Variants in FAM98A observed in about 807,000 individuals in gnomAD.
FAM98A encodes the protein protein FAM98A.
FAM98A carries 25 observed loss-of-function variants against 62.9 expected under a neutral mutation model. The ratio of observed to expected loss-of-function variants is 0.40; its 90% CI spans 0.29 to 0.56. The LOEUF is 0.56. FAM98A is among the 20% of genes least tolerant of loss of function. The pLI, the probability that FAM98A is intolerant of heterozygous loss-of-function variation, is 0.51. For synonymous variants in FAM98A, 252 were observed against 228.6 expected (o/e 1.10, Z -0.92); for missense variants, 653 against 640.7 (o/e 1.02, Z -0.21).
intron 1 of FAM98A, among the ~76,000 whole-genome samples, chr2:33,596,596 T>C (rs904722367): frequency 6.6e-6 from 1 of 152,098 alleles, no homozygotes; most frequent in Non-Finnish European, 1.5e-5. Flanking sequence ...ATGCTTAAGA[T>C]AATATAATGT....
rs907741992 is a variant in FAM98A at position 33,584,052 on chromosome 2, A to G, written c.*724T>C. 3 of 152,676 alleles carry G rather than the reference A, an allele frequency of 2.0e-5. No homozygotes were observed. The highest frequency in any genetic ancestry group is 7.2e-5 in the African/African-American group (3 of 41,466). The allele number at this position is 152,676 out of a possible 1,614,324, so 9.5% of individuals were successfully genotyped here. ...TGAAGGAGGAATTTGTTTTGGATGG[A>G]TGCAGGTCAGTTTGAATTGCTATAC... On this transcript the variant is annotated 3_prime_UTR_variant, in exon 8 of 8. Coordinates refer to ENST00000238823, the MANE Select transcript of FAM98A (RefSeq NM_015475.5).
Position 33,584,511 on chromosome 2 carries a change from T to C in FAM98A, c.*265A>G, listed in dbSNP as rs1264109747. The C allele has an allele frequency of 1.6e-5, 7 of 430,398 alleles. No homozygotes were observed. Among genetic ancestry groups the C allele is most frequent in the Non-Finnish European group, 2.9e-5 (7 of 243,356 alleles). The allele number at this position is 430,398 out of a possible 1,614,324, so 26.7% of individuals were successfully genotyped here. On this transcript the variant is annotated 3_prime_UTR_variant, in exon 8 of 8. Transcript: ENST00000238823. ...TGTTCTGACTGTGGAATTAGTCTAC[T>C]GGGCAATTAAAGGCAATTTTAACCA...
intron 6 of FAM98A, among the ~76,000 whole-genome samples, 191 bp from the exon 7 acceptor site, chr2:33,585,888 C>T (rs1361721273): frequency 6.6e-6 from 1 of 152,178 alleles, no homozygotes; most frequent in Non-Finnish European, 1.5e-5. Flanking sequence ...AGCTGCCAGA[C>T]TTGTTGACAC....
At chr2:33,586,491 A>G (rs914340827) in intron 6 of FAM98A, 71 bp downstream of exon 6, 15 of 1,001,240 alleles carry the variant, frequency 1.5e-5, no homozygotes, top group Non-Finnish European at 2.0e-5. Context: ...GTTGCCAAGT[A>G]GCTAAATTGT....
chr2:33,594,638 CACATATATATAT>C (rs1677756507), intron 2 of FAM98A, among the ~76,000 whole-genome samples: 2 of 118,496 alleles, frequency 1.7e-5, no homozygotes, highest in African/African-American at 3.8e-5. Flanking sequence ...CATATATATA[CACATATATATAT>C]ACACACATAT....
chr2:33,594,576 TACAC>T (rs71409635), intron 2 of FAM98A, among the ~76,000 whole-genome samples: 2 of 57,234 alleles, frequency 3.5e-5, no homozygotes, highest in African/African-American at 2.4e-4. Flanking sequence ...TATATATATA[TACAC>T]ACACACACAC....
intron 4 of FAM98A, among the ~76,000 whole-genome samples, chr2:33,587,836 T>A (rs1431107011): frequency 6.6e-6 from 1 of 151,540 alleles, no homozygotes; most frequent in South Asian, 2.1e-4. Flanking sequence ...TAAAAATAAT[T>A]CTAATTTCTT....
At chr2:33,593,060 G>C (rs78610274) in intron 2 of FAM98A, among the ~76,000 whole-genome samples, 2,138 of 152,210 alleles carry the variant, frequency 0.014, 54 homozygotes, top group African/African-American at 0.048. Flanking sequence ...CTTCACCCTC[G>C]TACTTGCTGA....
At chr2:33,592,977 A>G (rs1354214978) in intron 2 of FAM98A, among the ~76,000 whole-genome samples, 1 of 152,088 alleles carries the variant, frequency 6.6e-6, no homozygotes, top group South Asian at 2.1e-4. Context: ...CTTCCCCTCT[A>G]GCAAATCCCA....
intron 3 of FAM98A, chr2:33,591,829 G>A (rs930121993): frequency 3.8e-5 from 12 of 314,384 alleles, no homozygotes; most frequent in African/African-American, 2.3e-4. Context: ...ATCACATTAG[G>A]AGAAGCACAA....
At position 33,588,751 on chromosome 2, in the gene FAM98A, G is replaced by A. The variant is rs757429311; in HGVS notation, c.338-232C>T. ...TTTAAATGTTAATTTTAAAATAAGCGATTCTCTTTGAAACCGAAGGATCGA... is the reference window on the plus strand; with the variant it reads ...TTTAAATGTTAATTTTAAAATAAGCAATTCTCTTTGAAACCGAAGGATCGA... On this transcript the variant is annotated intron_variant, in intron 3 of 7. Transcript: ENST00000238823. 1.7e-5 allele frequency: 5 copies of A among 297,232 alleles called. No homozygotes were observed. In the Admixed American group the frequency reaches 2.0e-4, roughly 12 times the overall value. 18.4% of individuals were successfully genotyped at this position (297,232 alleles called of 1,614,324 possible). A position where few individuals can be genotyped will look rare whatever the true frequency, so the allele number is the denominator to read the frequency against.
intron 1 of FAM98A, among the ~76,000 whole-genome samples, chr2:33,597,508 T>C (rs920402222): frequency 6.6e-6 from 1 of 152,012 alleles, no homozygotes; most frequent in Non-Finnish European, 1.5e-5. Flanking sequence ...TTACACTCTA[T>C]GTCAAGTAGT....
rs1233122644 is a variant in FAM98A at position 33,585,570 on chromosome 2, C to G, written c.848G>C (p.Ser283Thr). 6.2e-7 allele frequency: 1 copy of G among 1,614,074 alleles called. No individual in the cohort carries two copies. Among genetic ancestry groups the G allele is most frequent in the African/African-American group, 1.3e-5 (1 of 74,932 alleles). ...GGCAGTCTTTTCTCTTATAGAGCCGCTGCTTGTCCTTAAAATCTTTGACAA... is the reference window on the plus strand; with the variant it reads ...GGCAGTCTTTTCTCTTATAGAGCCGGTGCTTGTCCTTAAAATCTTTGACAA... ...QDLSKILRTSSGSIREKTACA... is the reference protein window; with the variant it reads ...QDLSKILRTSTGSIREKTACA... Residue 283 changes from serine to threonine, a missense_variant, in exon 7 of 8, where the codon AGC becomes ACC. Ser to Thr is a moderately conservative substitution (Grantham distance 58). Transcript: ENST00000238823.
chr2:33,593,962 T>C (rs1677732144), intron 2 of FAM98A, among the ~76,000 whole-genome samples: 1 of 152,202 alleles, frequency 6.6e-6, no homozygotes, highest in Admixed American at 6.5e-5. Context: ...CAAGAGGCAG[T>C]ATAGCACAGT....
At chr2:33,597,864 G>A (rs1327781550) in intron 1 of FAM98A, among the ~76,000 whole-genome samples, 2 of 152,106 alleles carry the variant, frequency 1.3e-5, no homozygotes, top group Non-Finnish European at 2.9e-5. Context: ...TACTCTAAGG[G>A]CCTAACACTG....
chr2:33,595,259 A>T (rs148325264), intron 2 of FAM98A, among the ~76,000 whole-genome samples: 66 of 152,260 alleles, frequency 4.3e-4, no homozygotes, highest in African/African-American at 1.5e-3. Context: ...TATCCCAGTA[A>T]TAGGGTCTTT....
rs370142791 is a variant in FAM98A at position 33,584,859 on chromosome 2, C to G, written c.1474G>C (p.Gly492Arg). The G allele has an allele frequency of 9.3e-6, 15 of 1,614,002 alleles. No homozygotes were observed. Among genetic ancestry groups the G allele is most frequent in the Non-Finnish European group, 1.2e-5 (14 of 1,179,984 alleles). ...TGCTGGAAATGCTGTTCAAATTGAC[C>G]CCCTTGGTGATAATTCTGGCTCCCT... is the stretch of plus-strand genomic sequence containing the variant. ...GRGSQNYHQG[G>R]QFEQHFQHGG... Residue 492 changes from glycine (G) to arginine (R), a missense_variant, in exon 8 of 8, where the codon GGT becomes CGT. Physicochemically the swap from Gly to Arg is moderately radical, Grantham distance 125. Coordinates refer to ENST00000238823, the MANE Select transcript of FAM98A (RefSeq NM_015475.5).
rs1323280117 is a variant in FAM98A, at chr2:33,586,554, A to T, written c.720+8T>A. 6.5e-7 allele frequency: 1 copy of T among 1,530,952 alleles called. No homozygotes were observed. Among genetic ancestry groups the T allele is most frequent in the Admixed American group, 1.7e-5 (1 of 59,702 alleles). The allele number at this position is 1,530,952 out of a possible 1,614,324, so 94.8% of individuals were successfully genotyped here. A position where few individuals can be genotyped will look rare whatever the true frequency, so the allele number is the denominator to read the frequency against. On this transcript the variant is annotated splice_region_variant and intron_variant, in intron 6 of 7. Coordinates refer to ENST00000238823, the MANE Select transcript of FAM98A (RefSeq NM_015475.5). ...ATAGTCTGCTCTTTTAAATTATTTA[A>T]TGTGTACCTTAGCTCTGTCAGACCA...
intron 6 of FAM98A, among the ~76,000 whole-genome samples, chr2:33,585,940 G>A (rs1012824887): frequency 6.6e-6 from 1 of 152,196 alleles, no homozygotes; most frequent in Non-Finnish European, 1.5e-5. Context: ...GGTGGAGTGA[G>A]AGGGTGCCCC....
Sources: gnomAD v4.1 joint callset for allele counts (sites outside exome capture counted in the v4.1 genomes callset) on GRCh38, gnomAD v4.1.1 for gene constraint, MANE v1.5 for transcripts, NCBI Gene and HGNC (gene_info 2026-07-23, HGNC 2026-07-21) for gene names.